The following LGR6 variants were observed in gnomAD, a reference collection of about 807,000 sequenced individuals.
LGR6 encodes leucine-rich repeat-containing G protein-coupled receptor 6.
LGR6 carries 45 observed loss-of-function variants against 69.4 expected under a neutral mutation model. The ratio of observed to expected loss-of-function variants is 0.65; its 90% CI spans 0.51 to 0.83. The LOEUF (loss-of-function observed/expected upper bound fraction) is 0.83. Ranked by LOEUF, LGR6 falls within the 40% of genes least tolerant of loss-of-function variation. LGR6 has a pLI of 0.00. For missense variants in LGR6, 1,108 were observed against 1,246.7 expected, an observed-to-expected ratio of 0.89 and a Z score of 1.68; for synonymous variants, 538 against 555.0, an observed-to-expected ratio of 0.97 and a Z score of 0.43.
At chr1:202,272,166 A>G (rs909485257) in intron 4 of LGR6, among the ~76,000 whole-genome samples, 2 of 152,220 alleles carry the variant, frequency 1.3e-5, no homozygotes, top group African/African-American at 2.4e-5. Flanking sequence ...TTAACTGGGC[A>G]TTGTCCCAAA....
At chr1:202,274,285 T>A (rs1665360384) in intron 4 of LGR6, among the ~76,000 whole-genome samples, 1 of 152,180 alleles carries the variant, frequency 6.6e-6, no homozygotes, top group Admixed American at 6.5e-5. Context: ...AAACATTGAG[T>A]GCCATCTGCA....
At chr1:202,277,176 AC>A (rs1333055875) in intron 5 of LGR6, among the ~76,000 whole-genome samples, 1 of 152,220 alleles carries the variant, frequency 6.6e-6, no homozygotes, top group Non-Finnish European at 1.5e-5. Context: ...GCTTTGGGTT[AC>A]ACACTAATTG....
At chr1:202,310,074 C>A in intron 15 of LGR6, 123 bp from the exon 16 acceptor site, 1 of 944,836 alleles carries the variant, frequency 1.1e-6, no homozygotes, top group Non-Finnish European at 1.6e-6. Context: ...GAACAGGGAA[C>A]TTGGGAGTTG....
rs1310438558 is a variant in LGR6, at chr1:202,249,846, G to GCTTCTACTC, written c.428+13854_428+13862dup. 2.0e-5 allele frequency among the ~76,000 whole-genome samples: 3 copies of GCTTCTACTC among 152,106 alleles called. No individual in the cohort carries two copies. In the East Asian group the frequency reaches 5.8e-4, roughly 29 times the overall value. ...GTAACAGCCTCCTTACAGGCCCCCA[G>GCTTCTACTC]CTTCTACTCTGGACTTACCCCAGTC... On this transcript the variant is annotated intron_variant, in intron 4 of 17. Transcript: ENST00000367278.
intron 4 of LGR6, among the ~76,000 whole-genome samples, chr1:202,240,976 C>A (rs1052605807): frequency 2.0e-5 from 3 of 152,168 alleles, no homozygotes; most frequent in Non-Finnish European, 4.4e-5. Flanking sequence ...TAATAATCAC[C>A]GTCTCTGTTA....
chr1:202,283,985 G>T (rs143713088), intron 6 of LGR6, among the ~76,000 whole-genome samples: 1 of 152,232 alleles, frequency 6.6e-6, no homozygotes, highest in East Asian at 1.9e-4. Flanking sequence ...CTACCTCAGA[G>T]ATGGGGAGAA....
chr1:202,201,185 G>A (rs750228561), intron 1 of LGR6, among the ~76,000 whole-genome samples: 9 of 152,142 alleles, frequency 5.9e-5, no homozygotes, highest in Non-Finnish European at 8.8e-5. Flanking sequence ...GCTCCAGCAC[G>A]GTGAGGATAC....
At chr1:202,231,481 G>A (rs1380838742) in intron 3 of LGR6, among the ~76,000 whole-genome samples, 1 of 152,214 alleles carries the variant, frequency 6.6e-6, no homozygotes, top group Non-Finnish European at 1.5e-5. Context: ...AGTGGATCTA[G>A]CTCTGTGGAT....
intron 4 of LGR6, among the ~76,000 whole-genome samples, chr1:202,252,165 C>T (rs1487127670): frequency 1.3e-5 from 2 of 152,114 alleles, no homozygotes; most frequent in Non-Finnish European, 2.9e-5. Context: ...ACCTTTGTGT[C>T]CCTATACCCT....
chr1:202,313,228 A>G (rs1653887114), intron 16 of LGR6, among the ~76,000 whole-genome samples: 1 of 146,324 alleles, frequency 6.8e-6, no homozygotes, highest in South Asian at 2.2e-4. Context: ...CTCCATCTCA[A>G]AAAAAAAAAA....
intron 4 of LGR6, among the ~76,000 whole-genome samples, chr1:202,255,761 A>C (rs1032518851): frequency 6.6e-6 from 1 of 152,228 alleles, no homozygotes; most frequent in Non-Finnish European, 1.5e-5. Flanking sequence ...TCTTACAAAC[A>C]CACATGCTTC....
At chr1:202,276,219 T>C (rs1447529394) in intron 4 of LGR6, 87 bp from the exon 5 acceptor site, 1 of 1,097,830 alleles carries the variant, frequency 9.1e-7, no homozygotes, top group Non-Finnish European at 1.3e-6. Context: ...AAAGGCCCTG[T>C]TGAGGGCCTG....
At chr1:202,261,832 C>T (rs936677672) in intron 4 of LGR6, among the ~76,000 whole-genome samples, 1 of 152,190 alleles carries the variant, frequency 6.6e-6, no homozygotes, top group African/African-American at 2.4e-5. Flanking sequence ...CTCTGATGGC[C>T]AGTGATGATG....
At chr1:202,242,559 A>G (rs1442839143) in intron 4 of LGR6, among the ~76,000 whole-genome samples, 1 of 152,132 alleles carries the variant, frequency 6.6e-6, no homozygotes, top group Non-Finnish European at 1.5e-5. Context: ...TCTGCTCTTG[A>G]ATTGTTTATG....
At chr1:202,214,030 C>T (rs900189086) in intron 1 of LGR6, 14 of 1,342,116 alleles carry the variant, frequency 1.0e-5, no homozygotes, top group Non-Finnish European at 1.3e-5. Flanking sequence ...GGGAAGAGGG[C>T]AGATGGGTGG....
Position 202,278,756 on chromosome 1 carries a change from G to A in LGR6, c.645-2025G>A, listed in dbSNP as rs141737305. Among the ~76,000 whole-genome samples, 221 of 152,294 alleles carry A rather than the reference G, an allele frequency of 1.5e-3. 4 individuals are homozygous for A. The highest frequency in any genetic ancestry group is 5.0e-4 in the Non-Finnish European group (34 of 68,020). On this transcript the variant is annotated intron_variant, in intron 5 of 17. Coordinates refer to ENST00000367278, the MANE Select transcript of LGR6 (RefSeq NM_001017403.2). ...AAAATCAAGGGTTGTACAGGGGCCT[G>A]GCTGGAGGTGTGAGCAGGCAAGCAG...
At chr1:202,300,814 C>T in intron 7 of LGR6, 35 bp from the exon 8 acceptor site, 2 of 1,549,662 alleles carry the variant, frequency 1.3e-6, no homozygotes, top group South Asian at 2.4e-5. Context: ...ATACCTTTCT[C>T]CAAATCCTCA....
chr1:202,264,185 G>A lies in LGR6; in HGVS notation c.429-12121G>A, dbSNP rs139649870. ...TTGGGAATGAGGGAGAAAATAGATT[G>A]TGGGAAGGACTGGAACCCTGTGGGA... On this transcript the variant is annotated intron_variant, in intron 4 of 17. Transcript: ENST00000367278. Among the ~76,000 whole-genome samples, 36 of 152,222 alleles carry A rather than the reference G, an allele frequency of 2.4e-4. No homozygotes were observed. In the East Asian group the frequency reaches 5.8e-3, roughly 24 times the overall value.
chr1:202,310,059 A>G (rs1186843773), intron 15 of LGR6, 138 bp from the exon 16 acceptor site: 1 of 814,412 alleles, frequency 1.2e-6, no homozygotes, highest in South Asian at 1.7e-5. Context: ...GACTGCCAGC[A>G]CAGTGAACAG....
Sources: gnomAD v4.1 joint callset for allele counts (sites outside exome capture counted in the v4.1 genomes callset) on GRCh38, gnomAD v4.1.1 for gene constraint, MANE v1.5 for transcripts, NCBI Gene and HGNC (gene_info 2026-07-23, HGNC 2026-07-21) for gene names.